The following NXPH1 variants were observed in gnomAD, a reference collection of about 807,000 sequenced individuals.
The protein encoded by NXPH1 is neurexophilin 1.
In NXPH1, 5 loss-of-function variants were observed where a neutral mutation model predicts 23.7. The ratio of observed to expected loss-of-function variants is 0.21; its 90% confidence interval spans 0.11 to 0.44. The LOEUF is 0.44. Ranked by LOEUF, NXPH1 falls within the 20% of genes least tolerant of loss-of-function variation. The probability of loss-of-function intolerance (pLI) is 0.99; values close to 1 mark genes in which losing one functional copy is unlikely to be tolerated. For synonymous variants in NXPH1, 144 were observed against 122.2 expected (o/e 1.18, Z -1.18); for missense variants, 324 against 321.6 (o/e 1.01, Z -0.06).
chr7:8,653,594 T>A (rs1464834408), intron 2 of NXPH1, among the ~76,000 whole-genome samples: 1 of 152,202 alleles, frequency 6.6e-6, no homozygotes, highest in Non-Finnish European at 1.5e-5. Flanking sequence ...TCAATTATGG[T>A]AATGGCAGGA....
Position 8,752,401 on chromosome 7 carries a change from T to C in NXPH1, c.*632T>C, listed in dbSNP as rs1780581179. 1 of 152,616 alleles carries C rather than the reference T, an allele frequency of 6.6e-6. No homozygotes were observed. Among genetic ancestry groups the C allele is most frequent in the South Asian group, 2.1e-4 (1 of 4,834 alleles). 9.5% of individuals were successfully genotyped at this position (152,616 alleles called of 1,614,324 possible). On this transcript the variant is annotated 3_prime_UTR_variant, in exon 3 of 3. Coordinates refer to ENST00000405863, the MANE Select transcript of NXPH1 (RefSeq NM_152745.3). ...CACATTCAAAGTGGTCCAAGATGGCTCTTTTTTCTTTGAAAGGGGCCTGTT... is the reference window on the plus strand; with the variant it reads ...CACATTCAAAGTGGTCCAAGATGGCCCTTTTTTCTTTGAAAGGGGCCTGTT...
At position 8,435,514 on chromosome 7, in the gene NXPH1, A is replaced by C. The variant is rs1196540000; in HGVS notation, c.-110-90A>C. On this transcript the variant is annotated intron_variant, in intron 1 of 2. Transcript: ENST00000405863. The surrounding 1 kb of genome is among the most constrained non-coding windows in gnomAD (Gnocchi z 5.9). ...CCCTCCCTTTTTTTTTTGGTCCCCC[A>C]CTCCCCGCTACGACCCCCTTTCCCC... The C allele has an allele frequency of 1.1e-3, 540 of 483,448 alleles. No individual in the cohort carries two copies. The highest frequency in any genetic ancestry group is 2.9e-3 in the South Asian group (93 of 31,558). 29.9% of individuals were successfully genotyped at this position (483,448 alleles called of 1,614,324 possible). A position where few individuals can be genotyped will look rare whatever the true frequency, so the allele number is the denominator to read the frequency against.
intron 2 of NXPH1, among the ~76,000 whole-genome samples, chr7:8,559,620 C>T (rs17333331): frequency 0.056 from 8,518 of 151,746 alleles, 300 homozygotes; most frequent in Middle Eastern, 0.1. Flanking sequence ...CTTTTTTCCT[C>T]AGTTAGATGC....
chr7:8,579,664 G>A (rs562372565), intron 2 of NXPH1, among the ~76,000 whole-genome samples: 3 of 152,288 alleles, frequency 2.0e-5, no homozygotes, highest in African/African-American at 4.8e-5. Context: ...GAGCCACCAC[G>A]CCTGGCCGGA....
intron 2 of NXPH1, among the ~76,000 whole-genome samples, chr7:8,509,092 G>A (rs1315767115): frequency 6.6e-6 from 1 of 152,050 alleles, no homozygotes; most frequent in Non-Finnish European, 1.5e-5. Context: ...CTAACACTTG[G>A]TGTAATTTTG....
chr7:8,651,571 A>C (rs1820493006), intron 2 of NXPH1, among the ~76,000 whole-genome samples: 5 of 152,074 alleles, frequency 3.3e-5, no homozygotes, highest in Non-Finnish European at 2.9e-5. Context: ...TGGTTGAACT[A>C]GTTTACAGTC....
intron 2 of NXPH1, among the ~76,000 whole-genome samples, chr7:8,736,572 G>A (rs145063981): frequency 0.011 from 1,637 of 152,294 alleles, 27 homozygotes; most frequent in African/African-American, 0.037. Flanking sequence ...TTTAGGATAA[G>A]TGTGATGTGG....
intron 2 of NXPH1, among the ~76,000 whole-genome samples, chr7:8,619,466 T>C (rs1295582025): frequency 6.6e-6 from 1 of 152,232 alleles, no homozygotes; most frequent in Non-Finnish European, 1.5e-5. Flanking sequence ...TGATGTTCAA[T>C]GCTCTTTCAG....
chr7:8,692,594 G>A (rs1821239096), intron 2 of NXPH1, among the ~76,000 whole-genome samples: 3 of 152,064 alleles, frequency 2.0e-5, no homozygotes, highest in Admixed American at 1.3e-4. Flanking sequence ...TAGTTTTCTT[G>A]GCCTATTATC....
intron 2 of NXPH1, among the ~76,000 whole-genome samples, chr7:8,728,277 T>C (rs1780090617): frequency 1.3e-5 from 2 of 152,242 alleles, no homozygotes; most frequent in South Asian, 2.1e-4. Context: ...AGTCATGTTG[T>C]CTGCAAACAG....
chr7:8,678,866 C>T (rs1333172632), intron 2 of NXPH1, among the ~76,000 whole-genome samples: 1 of 149,600 alleles, frequency 6.7e-6, no homozygotes, highest in Non-Finnish European at 1.5e-5. Context: ...CTATTTTATC[C>T]TTGCAGACCT....
Position 8,727,615 on chromosome 7 carries a change from G to A in NXPH1, c.55-23393G>A, listed in dbSNP as rs979498885. Among the ~76,000 whole-genome samples, 731 of 152,162 alleles carry A rather than the reference G, an allele frequency of 4.8e-3. 6 individuals carry two copies. The highest frequency in any genetic ancestry group is 0.017 in the African/African-American group (689 of 41,508). On this transcript the variant is annotated intron_variant, in intron 2 of 2. Coordinates refer to ENST00000405863, the MANE Select transcript of NXPH1 (RefSeq NM_152745.3). ...AGGGAATCCTTTCCCCATTGCTTGT[G>A]TTTCTCAGGTTTGTCAAAGATCAGA...
rs1303434630 is a variant in NXPH1 at position 8,668,268 on chromosome 7, TTA to T, written c.55-82738_55-82737del. On this transcript the variant is annotated intron_variant, in intron 2 of 2. Transcript: ENST00000405863. ...GTTATGTCTCTTTGTTTTTTTTTTT[TTA>T]TTTTGTTGTTGTTGTTGTCTTATGT... Among the ~76,000 whole-genome samples the T allele has an allele frequency of 0.024, 518 of 21,778 alleles. 3 individuals are homozygous for T. In the East Asian group the frequency reaches 0.39, roughly 16 times the overall value. 14.3% of individuals were successfully genotyped at this position (21,778 alleles called of 152,430 possible). A position where few individuals can be genotyped will look rare whatever the true frequency, so the allele number is the denominator to read the frequency against.
At chr7:8,461,835 T>TAAAAAAAAAAA (rs1816701262) in intron 2 of NXPH1, among the ~76,000 whole-genome samples, 2 of 29,848 alleles carry the variant, frequency 6.7e-5, no homozygotes, top group African/African-American at 1.7e-3. Flanking sequence ...AGACTCCGTC[T>TAAAAAAAAAAA]CAAAAAAAAA....
chr7:8,645,667 A>G (rs776446962), intron 2 of NXPH1, among the ~76,000 whole-genome samples: 1 of 151,914 alleles, frequency 6.6e-6, no homozygotes, highest in Non-Finnish European at 1.5e-5. Context: ...TTTAATGGAA[A>G]TATTTCTGTA....
chr7:8,578,645 C>A (rs571136951), intron 2 of NXPH1, among the ~76,000 whole-genome samples: 5 of 152,246 alleles, frequency 3.3e-5, no homozygotes, highest in Admixed American at 1.3e-4. Context: ...GAACTAGGTA[C>A]TGAGGTCATA....
chr7:8,490,753 G>A (rs1171339005), intron 2 of NXPH1, among the ~76,000 whole-genome samples: 3 of 152,026 alleles, frequency 2.0e-5, no homozygotes, highest in African/African-American at 7.2e-5. Flanking sequence ...AAGGGGGAAG[G>A]AGACAAAATA....
intron 2 of NXPH1, among the ~76,000 whole-genome samples, chr7:8,477,926 G>GCTTTTAAATCTA (rs2128609401): frequency 6.6e-6 from 1 of 152,230 alleles, no homozygotes; most frequent in African/African-American, 2.4e-5. Context: ...TTTTAAATCT[G>GCTTTTAAATCTA]GGATTTAAAA....
chr7:8,735,269 G>A (rs537784226), intron 2 of NXPH1, among the ~76,000 whole-genome samples: 1 of 152,098 alleles, frequency 6.6e-6, no homozygotes, highest in Admixed American at 6.5e-5. Context: ...TATGACATTG[G>A]CTGTGGGTTT....
Sources: gnomAD v4.1 joint callset for allele counts (sites outside exome capture counted in the v4.1 genomes callset) on GRCh38, gnomAD v4.1.1 for gene constraint, Gnocchi (gnomAD v3.1) non-coding constraint, MANE v1.5 for transcripts, NCBI Gene and HGNC (gene_info 2026-07-23, HGNC 2026-07-21) for gene names.